Variants in HSF1 observed in about 807,000 individuals in gnomAD.
HSF1 encodes heat shock transcription factor 1.
HSF1 carries 32 observed loss-of-function variants against 51.7 expected under a neutral mutation model. The observed-to-expected ratio is 0.62, with a 90% CI of 0.47 to 0.83. The LOEUF (loss-of-function observed/expected upper bound fraction) is 0.83, where lower values mean the gene tolerates loss of function less well. Among genes scored for constraint, HSF1 ranks in the 40% least tolerant of loss-of-function variants. The probability of loss-of-function intolerance (pLI) is 0.00; values close to 1 mark genes in which losing one functional copy is unlikely to be tolerated. For missense variants in HSF1, 727 were observed against 717.0 expected (o/e 1.01, Z -0.16); for synonymous variants, 396 against 309.7 (o/e 1.28, Z -2.92).
chr8:144,292,818 C>T (rs1201617660), intron 1 of HSF1, among the ~76,000 whole-genome samples: 1 of 152,136 alleles, frequency 6.6e-6, no homozygotes, highest in African/African-American at 2.4e-5. Flanking sequence ...AAAAATTTGC[C>T]GGGCGTGGTG....
rs139491179 is a variant in HSF1 at position 144,304,710 on chromosome 8, G to A, written c.118-4196G>A. Reference sequence around the variant, plus strand: ...CACCCAGGCTAGAGGGCAGTGGCACGATCTGTGCTCACTACAACTTCTACC... The same window carrying A: ...CACCCAGGCTAGAGGGCAGTGGCACAATCTGTGCTCACTACAACTTCTACC... On this transcript the variant is annotated intron_variant, in intron 1 of 12. Transcript: ENST00000528838. Among the ~76,000 whole-genome samples the A allele has an allele frequency of 8.7e-3, 1,331 of 152,174 alleles. 31 individuals are homozygous for A. The highest frequency in any genetic ancestry group is 0.031 in the African/African-American group (1,282 of 41,484).
In HSF1 at chr8:144,313,838, C is replaced by A; in HGVS notation, c.1249-8C>A. 1 of 1,595,992 alleles carries A rather than the reference C, an allele frequency of 6.3e-7. No homozygotes were observed. Among genetic ancestry groups the A allele is most frequent in the South Asian group, 1.1e-5 (1 of 90,266 alleles). On this transcript the variant is annotated splice_region_variant and splice_polypyrimidine_tract_variant and intron_variant, in intron 10 of 12. Coordinates refer to ENST00000528838, the MANE Select transcript of HSF1 (RefSeq NM_005526.4). ...GGTGCTGTTCTGACTTCCCTCCCTC[C>A]TCCGCAGCTGTTCAGCCCCTCGGTG...
In HSF1 at chr8:144,309,822, C is replaced by T; in HGVS notation, c.414C>T (p.Thr138=). The T allele has an allele frequency of 6.2e-7, 1 of 1,613,954 alleles. No homozygotes were observed. The highest frequency in any genetic ancestry group is 8.5e-7 in the Non-Finnish European group (1 of 1,179,984). ...EDIKIRQDSV[T]KLLTDVQLMK... ...TAAAGATCCGCCAGGACAGCGTCAC[C>T]AAGCTGCTGACGGACGTGCAGCTGA... is the stretch of plus-strand genomic sequence containing the variant. Residue 138 remains threonine (T), a synonymous_variant, in exon 4 of 13, where the codon ACC becomes ACT. Coordinates refer to ENST00000528838, the MANE Select transcript of HSF1 (RefSeq NM_005526.4).
chr8:144,313,681 G>GCCCCGCCTCCCCGCGCCGCCT (rs1816916763), intron 10 of HSF1, 65 bp downstream of exon 10: 1 of 28,412 alleles, frequency 3.5e-5, no homozygotes, highest in African/African-American at 3.1e-4. Context: ...CCGCCTCCCC[G>GCCCCGCCTCCCCGCGCCGCCT]CCCCGCCTCC....
In HSF1 at chr8:144,298,663, G is replaced by T. The variant is rs188139203; in HGVS notation, c.117+6789G>T. Reference sequence around the variant, plus strand: ...CTGAGGTAAACCACAAAATTGTCCAGGCTTTTTATGTGGAGGGAATTTGCA... The same window carrying T: ...CTGAGGTAAACCACAAAATTGTCCATGCTTTTTATGTGGAGGGAATTTGCA... On this transcript the variant is annotated intron_variant, in intron 1 of 12. Coordinates refer to ENST00000528838, the MANE Select transcript of HSF1 (RefSeq NM_005526.4). Among the ~76,000 whole-genome samples the T allele has an allele frequency of 3.9e-5, 6 of 152,220 alleles. No individual in the cohort carries two copies. The East Asian group carries it at 1.2e-3, about 29-fold the overall frequency.
intron 4 of HSF1, chr8:144,310,630 G>A (rs1816571217): frequency 6.0e-6 from 1 of 166,054 alleles, no homozygotes; most frequent in South Asian, 1.6e-4. Flanking sequence ...CTACCAAGAA[G>A]ACTCACAGGC....
chr8:144,300,937 G>A (rs1053466048), intron 1 of HSF1, among the ~76,000 whole-genome samples: 3 of 152,188 alleles, frequency 2.0e-5, no homozygotes, highest in Admixed American at 6.5e-5. Flanking sequence ...CAGAGTCACC[G>A]GAGCGGTTTA....
chr8:144,313,556 T>A lies in HSF1; in HGVS notation c.1188T>A (p.Asp396Glu), dbSNP rs149648662. 10 of 1,611,998 alleles carry A rather than the reference T, an allele frequency of 6.2e-6. No homozygotes were observed. The African/African-American group carries it at 1.2e-4, about 19-fold the overall frequency. ...DHLDAMDSNLDNLQTMLSSHG... is the reference protein window; with the variant it reads ...DHLDAMDSNLENLQTMLSSHG... ...TGGATGCTATGGACTCCAACCTGGA[T>A]AACCTGCAGACCATGCTGAGCAGCC... The change falls in exon 10 of 13, where the codon GAT (aspartate) becomes GAA (glutamate). Residue 396 changes from aspartate (D) to glutamate (E), a missense_variant. Coordinates refer to ENST00000528838, the MANE Select transcript of HSF1 (RefSeq NM_005526.4).
Position 144,305,796 on chromosome 8 carries a change from G to A in HSF1, c.118-3110G>A, listed in dbSNP as rs561900613. Among the ~76,000 whole-genome samples, 1,097 of 129,418 alleles carry A rather than the reference G, an allele frequency of 8.5e-3. 15 individuals carry two copies. The highest frequency in any genetic ancestry group is 0.031 in the African/African-American group (1,048 of 33,882). 84.9% of individuals were successfully genotyped at this position (129,418 alleles called of 152,430 possible). A position where few individuals can be genotyped will look rare whatever the true frequency, so the allele number is the denominator to read the frequency against. The stretch of plus-strand genomic sequence containing the variant: ...AGCCCAGGCTGGAGTGCAATGGCGC[G>A]ATCTCGGCTCACTGCAACCTCTGCC... On this transcript the variant is annotated intron_variant, in intron 1 of 12. Transcript: ENST00000528838.
At position 144,313,920 on chromosome 8, in the gene HSF1, G is replaced by C. The variant is rs782733731; in HGVS notation, c.1314+9G>C. On this transcript the variant is annotated intron_variant, in intron 11 of 12. Transcript: ENST00000528838. ...ACAGCAGCCTGGCCAGTGTGCGTAG[G>C]CGGGCGGGGGGTGAGGGGGAACGAG... The C allele has an allele frequency of 3.1e-6, 5 of 1,609,790 alleles. No individual in the cohort carries two copies. In the East Asian group the frequency reaches 1.1e-4, roughly 36 times the overall value.
At chr8:144,308,665 C>T (rs1015354970) in intron 1 of HSF1, among the ~76,000 whole-genome samples, 2 of 152,244 alleles carry the variant, frequency 1.3e-5, no homozygotes, top group Admixed American at 6.5e-5. Context: ...CATCTGCCCA[C>T]CGCCCAGTCC....
At position 144,301,566 on chromosome 8, in the gene HSF1, T is replaced by C. The variant is rs1298305811; in HGVS notation, c.118-7340T>C. Among the ~76,000 whole-genome samples, 44 of 151,794 alleles carry C rather than the reference T, an allele frequency of 2.9e-4. 1 individual carries two copies. The highest frequency in any genetic ancestry group is 1.5e-5 in the Non-Finnish European group (1 of 67,956). On this transcript the variant is annotated intron_variant, in intron 1 of 12. Coordinates refer to ENST00000528838, the MANE Select transcript of HSF1 (RefSeq NM_005526.4). ...CTGGAACAGGCTGGTGAAGAGAAAA[T>C]CTTAAAAGCTCCAGAAGAGGCCGGG... is the stretch of plus-strand genomic sequence containing the variant.
chr8:144,312,856 AG>A, intron 9 of HSF1: 2 of 710,570 alleles, frequency 2.8e-6, no homozygotes, highest in Admixed American at 4.7e-5. Context: ...GCGGGGGCTC[AG>A]TGTCGTCATG....
intron 1 of HSF1, among the ~76,000 whole-genome samples, chr8:144,306,544 C>G (rs1347508644): frequency 6.6e-6 from 1 of 151,982 alleles, no homozygotes; most frequent in Admixed American, 6.6e-5. Flanking sequence ...TGTATTTCTT[C>G]TAGAGACGGG....
At chr8:144,305,718 G>A (rs573436863) in intron 1 of HSF1, among the ~76,000 whole-genome samples, 1 of 132,740 alleles carries the variant, frequency 7.5e-6, no homozygotes, top group East Asian at 2.4e-4. Context: ...AAGCCCCTCT[G>A]GTTAATTTTT....
In HSF1 at chr8:144,297,070, G is replaced by T. The variant is rs1361544537; in HGVS notation, c.117+5196G>T. Reference sequence around the variant, plus strand: ...TGCTCAGTCCTTTATTGAGGGACCAGGGATGGACAGCCTGGCCCTGAAAGT... The same window carrying T: ...TGCTCAGTCCTTTATTGAGGGACCATGGATGGACAGCCTGGCCCTGAAAGT... On this transcript the variant is annotated intron_variant, in intron 1 of 12. Coordinates refer to ENST00000528838, the MANE Select transcript of HSF1 (RefSeq NM_005526.4). This position sits in a 1 kb window ranked among gnomAD's most constrained non-coding sequence, Gnocchi z 4.6. 6.6e-6 allele frequency among the ~76,000 whole-genome samples: 1 copy of T among 152,176 alleles called. No individual in the cohort carries two copies. The highest frequency in any genetic ancestry group is 2.4e-5 in the African/African-American group (1 of 41,430).
chr8:144,295,926 A>G (rs1279609334), intron 1 of HSF1, among the ~76,000 whole-genome samples: 1 of 151,978 alleles, frequency 6.6e-6, no homozygotes, highest in Non-Finnish European at 1.5e-5. Context: ...GCCTCCTTAG[A>G]TGTGGGCTCC....
chr8:144,298,793 A>G (rs1554841776), intron 1 of HSF1, among the ~76,000 whole-genome samples: 2 of 152,178 alleles, frequency 1.3e-5, no homozygotes, highest in African/African-American at 2.4e-5. Context: ...CCCAAAACAA[A>G]GAGCTCCAGC....
intron 1 of HSF1, among the ~76,000 whole-genome samples, chr8:144,307,649 A>AACTCGGGAGGCTGAGGCACGAGAATCG (rs1816310975): frequency 0.017 from 2,514 of 152,036 alleles, 59 homozygotes; most frequent in Admixed American, 0.044. Context: ...CAGGAGAATC[A>AACTCGGGAGGCTGAGGCACGAGAATCG]CTTGAACTCG....
Sources: gnomAD v4.1 joint callset for allele counts (sites outside exome capture counted in the v4.1 genomes callset) on GRCh38, gnomAD v4.1.1 for gene constraint, Gnocchi (gnomAD v3.1) non-coding constraint, MANE v1.5 for transcripts, NCBI Gene and HGNC (gene_info 2026-07-23, HGNC 2026-07-21) for gene names.